The following MRC2 variants were observed in gnomAD, a reference collection of about 807,000 sequenced individuals.
The protein encoded by MRC2 is C-type mannose receptor 2.
Under a neutral mutation model 206.2 loss-of-function variants are expected in MRC2, and 84 were observed. The ratio of observed to expected loss-of-function variants is 0.41; its 90% confidence interval spans 0.34 to 0.49. The LOEUF (loss-of-function observed/expected upper bound fraction) is 0.49, where lower values mean the gene tolerates loss of function less well. Among genes scored for constraint, MRC2 ranks in the 20% least tolerant of loss-of-function variants. MRC2 has a pLI of 0.31. For synonymous variants in MRC2, 798 were observed against 800.0 expected, an observed-to-expected ratio of 1.00 and a Z score of 0.04; for missense variants, 1,676 against 2,001.5, an observed-to-expected ratio of 0.84 and a Z score of 3.10.
At position 62,675,750 on chromosome 17, in the gene MRC2, T is replaced by C. The variant is rs2088883201; in HGVS notation, c.1570-40T>C. 6.6e-7 allele frequency: 1 copy of C among 1,509,072 alleles called. No individual in the cohort carries two copies. Among genetic ancestry groups the C allele is most frequent in the Non-Finnish European group, 9.2e-7 (1 of 1,085,126 alleles). 93.5% of individuals were successfully genotyped at this position (1,509,072 alleles called of 1,614,324 possible). On this transcript the variant is annotated intron_variant, in intron 9 of 29. Coordinates refer to ENST00000303375, the MANE Select transcript of MRC2 (RefSeq NM_006039.5). The surrounding 1 kb of genome is among the most constrained non-coding windows in gnomAD (Gnocchi z 4.1). ...TTATGGGTGAGGGTGGAGAGTCATC[T>C]TCCCTACAGACACCCCTCTTCTGTC...
In MRC2 at chr17:62,666,143, C is replaced by T. The variant is rs117211632; in HGVS notation, c.570C>T (p.Pro190=). 699 of 1,598,958 alleles carry T rather than the reference C, an allele frequency of 4.4e-4. 8 individuals carry two copies. In the East Asian group the frequency reaches 0.013, roughly 30 times the overall value. Residue 190 remains proline (P), a synonymous_variant, in exon 3 of 30, where the codon CCC becomes CCT. Coordinates refer to ENST00000303375, the MANE Select transcript of MRC2 (RefSeq NM_006039.5). The surrounding 1 kb of genome is among the most constrained non-coding windows in gnomAD (Gnocchi z 5.0). ...CCCACGGAAAGCCGTGCACCATCCC[C>T]TTCAAATATGACAACCAGTGGTTCC... The part of the protein sequence containing the change: ...GNSHGKPCTI[P]FKYDNQWFHG...
Position 62,664,631 on chromosome 17 carries a change from T to G in MRC2, c.202T>G (p.Cys68Gly). 1 of 1,613,570 alleles carries G rather than the reference T, an allele frequency of 6.2e-7. No individual in the cohort carries two copies. Among genetic ancestry groups the G allele is most frequent in the Non-Finnish European group, 8.5e-7 (1 of 1,179,990 alleles). ...QGGQVRVTPA[C>G]NTSLPAQRWK... is the part of the protein sequence containing the mutation. ...CGGGCAGGTCAGAGTCACCCCGGCT[T>G]GCAATACCAGCCTCCCTGCCCAGCG... Residue 68 changes from cysteine to glycine, a missense_variant, in exon 2 of 30, where the codon TGC (cysteine) becomes GGC (glycine). Transcript: ENST00000303375. The surrounding 1 kb of genome is among the most constrained non-coding windows in gnomAD (Gnocchi z 4.7).
chr17:62,677,215 G>A (rs2088903805), intron 11 of MRC2, 54 bp from the exon 12 acceptor site: 4 of 1,436,230 alleles, frequency 2.8e-6, no homozygotes, highest in Non-Finnish European at 2.8e-6. Context: ...ATGTGAGGGA[G>A]GACCAGACTA....
intron 1 of MRC2, among the ~76,000 whole-genome samples, chr17:62,645,514 TATATATATA>T (rs1568052069): frequency 5.8e-5 from 4 of 69,024 alleles, no homozygotes; most frequent in African/African-American, 1.2e-4. Context: ...TATATATATA[TATATATATA>T]TATATTTTTT....
Position 62,659,621 on chromosome 17 carries a change from C to G in MRC2, c.119-4927C>G, listed in dbSNP as rs543102016. On this transcript the variant is annotated intron_variant, in intron 1 of 29. Transcript: ENST00000303375. ...TCTGTTCATGGCAGGAGGGAAGGAG[C>G]AGGTTCAAGGCAGGGGACCCAGAGA... 4.0e-5 allele frequency among the ~76,000 whole-genome samples: 6 copies of G among 151,792 alleles called. No homozygotes were observed. The South Asian group carries it at 1.3e-3, about 32-fold the overall frequency.
At position 62,692,772 on chromosome 17, in the gene MRC2, C is replaced by T. The variant is rs989843074; in HGVS notation, c.*321C>T. On this transcript the variant is annotated 3_prime_UTR_variant, in exon 30 of 30. Transcript: ENST00000303375. The surrounding 1 kb of genome is among the most constrained non-coding windows in gnomAD (Gnocchi z 4.2). ...AGAGCCTCTTTCTCCCCAGAGCCCC[C>T]GGCCCAGGCCTGTTGATCCGCGCCC... The T allele has an allele frequency of 4.9e-5, 16 of 327,260 alleles. No homozygotes were observed. The highest frequency in any genetic ancestry group is 1.9e-4 in the African/African-American group (9 of 47,728). The allele number at this position is 327,260 out of a possible 1,614,324, so 20.3% of individuals were successfully genotyped here. A position where few individuals can be genotyped will look rare whatever the true frequency, so the allele number is the denominator to read the frequency against.
rs1200787312 is a variant in MRC2, at chr17:62,663,958, C to CTT, written c.119-572_119-571dup. ...GATGTGCCGGGTGGAGTTGGGTTTG[C>CTT]TTTTTTTTTTTTTTTTTTTGAGACG... On this transcript the variant is annotated intron_variant, in intron 1 of 29. Coordinates refer to ENST00000303375, the MANE Select transcript of MRC2 (RefSeq NM_006039.5). Among the ~76,000 whole-genome samples the CTT allele has an allele frequency of 5.8e-3, 731 of 125,262 alleles. 24 individuals carry two copies. Among genetic ancestry groups the CTT allele is most frequent in the East Asian group, 0.057 (253 of 4,402 alleles). 82.2% of individuals were successfully genotyped at this position (125,262 alleles called of 152,430 possible). A position where few individuals can be genotyped will look rare whatever the true frequency, so the allele number is the denominator to read the frequency against.
At position 62,680,205 on chromosome 17, in the gene MRC2, C is replaced by G; in HGVS notation, c.2334C>G (p.Asp778Glu). 1 of 1,614,140 alleles carries G rather than the reference C, an allele frequency of 6.2e-7. No homozygotes were observed. The highest frequency in any genetic ancestry group is 8.5e-7 in the Non-Finnish European group (1 of 1,179,998). ...SYHNFDRSRH[D>E]DDDIRGCAVL... ...ACAATTTCGACCGGAGCCGGCACGA[C>G]GACGACGACATCCGAGGCTGTGCGG... The change falls in exon 15 of 30, where the codon GAC becomes GAG. Residue 778 changes from aspartate to glutamate, a missense_variant. Asp to Glu is a conservative substitution (Grantham distance 45). Around this residue, in one of 3 missense-constraint regions of MRC2, gnomAD observed 1,354 missense variants for 1,636.6 expected, o/e 0.83. Coordinates refer to ENST00000303375, the MANE Select transcript of MRC2 (RefSeq NM_006039.5). The surrounding 1 kb of genome is among the most constrained non-coding windows in gnomAD (Gnocchi z 4.8).
intron 1 of MRC2, among the ~76,000 whole-genome samples, chr17:62,636,883 A>G (rs2088327877): frequency 6.6e-6 from 1 of 151,862 alleles, no homozygotes; most frequent in Non-Finnish European, 1.5e-5. Flanking sequence ...CTGGGATTAC[A>G]GGCACAAACC....
At chr17:62,682,131 C>CCTCT in intron 19 of MRC2, 104 bp from the exon 20 acceptor site, 1 of 1,289,226 alleles carries the variant, frequency 7.8e-7, no homozygotes, top group East Asian at 2.5e-5. Flanking sequence ...AGGCCCTGAG[C>CCTCT]CTCTGCCCAG....
At chr17:62,645,514 TATATATA>T (rs2088467571) in intron 1 of MRC2, among the ~76,000 whole-genome samples, 1 of 69,026 alleles carries the variant, frequency 1.4e-5, no homozygotes. Context: ...TATATATATA[TATATATA>T]TATATATTTT....
intron 1 of MRC2, among the ~76,000 whole-genome samples, chr17:62,660,106 A>T (rs959060190): frequency 4.6e-5 from 7 of 152,204 alleles, no homozygotes; most frequent in African/African-American, 1.7e-4. Flanking sequence ...AAAATTATAA[A>T]ATATGGTGAT....
chr17:62,679,147 G>A (rs2088930139), intron 13 of MRC2, among the ~76,000 whole-genome samples: 1 of 152,168 alleles, frequency 6.6e-6, no homozygotes, highest in Admixed American at 6.5e-5. Context: ...ATTAGCACGT[G>A]GAATCCCCTA....
chr17:62,645,496 A>T lies in MRC2; in HGVS notation c.118+17576A>T, dbSNP rs545808226. ...ACACATAATATGTGTGTGTGTATAT[A>T]TTATATATATATATATATATATATA... On this transcript the variant is annotated intron_variant, in intron 1 of 29. Transcript: ENST00000303375. Among the ~76,000 whole-genome samples, 111 of 73,710 alleles carry T rather than the reference A, an allele frequency of 1.5e-3. 1 individual carries two copies. Among genetic ancestry groups the T allele is most frequent in the African/African-American group, 5.9e-3 (101 of 17,228 alleles). The allele number at this position is 73,710 out of a possible 152,430, so 48.4% of individuals were successfully genotyped here. A position where few individuals can be genotyped will look rare whatever the true frequency, so the allele number is the denominator to read the frequency against.
rs59698063 is a variant in MRC2 at position 62,643,327 on chromosome 17, CAAAAAA to C, written c.118+15422_118+15427del. The stretch of plus-strand genomic sequence containing the variant: ...TGGGTGACAAAGAGTGAAACTCCGT[CAAAAAA>C]AAAAAAAAAAAAAAGAAAAAGAAAA... On this transcript the variant is annotated intron_variant, in intron 1 of 29. Coordinates refer to ENST00000303375, the MANE Select transcript of MRC2 (RefSeq NM_006039.5). 5.4e-4 allele frequency among the ~76,000 whole-genome samples: 24 copies of C among 44,166 alleles called. No individual in the cohort carries two copies. In the East Asian group the frequency reaches 9.2e-3, roughly 17 times the overall value. 29.0% of individuals were successfully genotyped at this position (44,166 alleles called of 152,430 possible).
chr17:62,680,984 G>A lies in MRC2; in HGVS notation c.2634+24G>A, dbSNP rs1400752249. The A allele has an allele frequency of 6.2e-7, 1 of 1,611,846 alleles. No individual in the cohort carries two copies. The highest frequency in any genetic ancestry group is 8.5e-7 in the Non-Finnish European group (1 of 1,179,094). On this transcript the variant is annotated intron_variant, in intron 17 of 29. Coordinates refer to ENST00000303375, the MANE Select transcript of MRC2 (RefSeq NM_006039.5). This position sits in a 1 kb window ranked among gnomAD's most constrained non-coding sequence, Gnocchi z 4.8. The stretch of plus-strand genomic sequence containing the variant: ...AGGTGGGCATTGGATTGAGCAGGGG[G>A]CTGCAGGCTGGGGGAGGGCAGGCCC...
intron 1 of MRC2, among the ~76,000 whole-genome samples, chr17:62,637,917 A>G (rs2088345143): frequency 6.6e-6 from 1 of 152,164 alleles, no homozygotes; most frequent in Admixed American, 6.6e-5. Context: ...TCTGTCACCC[A>G]GGCTGGAGTG....
At chr17:62,630,066 C>T (rs1161630561) in intron 1 of MRC2, among the ~76,000 whole-genome samples, 2 of 152,214 alleles carry the variant, frequency 1.3e-5, no homozygotes, top group Admixed American at 1.3e-4. Context: ...TGCCATATTA[C>T]CGCATTTCTG....
chr17:62,651,034 G>C (rs2088549992), intron 1 of MRC2, among the ~76,000 whole-genome samples: 1 of 151,794 alleles, frequency 6.6e-6, no homozygotes, highest in Non-Finnish European at 1.5e-5. Context: ...CGATTGGCAA[G>C]ATGAATTCTA....
Sources: allele counts gnomAD v4.1 joint callset (sites outside exome capture counted in the v4.1 genomes callset), GRCh38; gene constraint gnomAD v4.1.1; regional missense constraint gnomAD v4.1.1; non-coding constraint Gnocchi (gnomAD v3.1); transcripts MANE v1.5; gene names NCBI Gene and HGNC (gene_info 2026-07-23, HGNC 2026-07-21).